Variants in NELL1 observed in about 807,000 individuals in gnomAD.
NELL1 encodes the protein protein kinase C-binding protein NELL1.
In NELL1, 76 loss-of-function variants were observed where a neutral mutation model predicts 107.4. That is an observed-to-expected ratio of 0.71 (90% CI 0.59 to 0.86). The LOEUF (loss-of-function observed/expected upper bound fraction) is 0.86, where lower values mean the gene tolerates loss of function less well. Among genes scored for constraint, NELL1 ranks in the 40% least tolerant of loss-of-function variants. The probability of loss-of-function intolerance (pLI) is 0.00; values close to 1 mark genes in which losing one functional copy is unlikely to be tolerated. For missense variants in NELL1, 1,024 were observed against 1,005.5 expected (o/e 1.02, Z -0.25); for synonymous variants, 353 against 341.2 (o/e 1.03, Z -0.38).
At chr11:20,684,544 T>C (rs909464124) in intron 2 of NELL1, among the ~76,000 whole-genome samples, 1 of 152,126 alleles carries the variant, frequency 6.6e-6, no homozygotes, top group Admixed American at 6.6e-5. Flanking sequence ...TAATCGAAAA[T>C]TCTAATAATT....
In NELL1 at chr11:21,309,296, A is replaced by G. The variant is rs12799981; in HGVS notation, c.1550-61557A>G. Among the ~76,000 whole-genome samples, 130 of 72,106 alleles carry G rather than the reference A, an allele frequency of 1.8e-3. 1 individual carries two copies. Among genetic ancestry groups the G allele is most frequent in the South Asian group, 4.4e-3 (9 of 2,056 alleles). The allele number at this position is 72,106 out of a possible 152,430, so 47.3% of individuals were successfully genotyped here. A position where few individuals can be genotyped will look rare whatever the true frequency, so the allele number is the denominator to read the frequency against. On this transcript the variant is annotated intron_variant, in intron 14 of 19. Coordinates refer to ENST00000357134, the MANE Select transcript of NELL1 (RefSeq NM_006157.5). ...TATATATATGTATATATATATATAT[A>G]TATGTATATATATATAATATATATA...
intron 14 of NELL1, among the ~76,000 whole-genome samples, chr11:21,289,597 C>T (rs891808102): frequency 3.3e-5 from 5 of 152,174 alleles, no homozygotes; most frequent in Non-Finnish European, 7.3e-5. Context: ...TTTGGGCAGA[C>T]AGGGAGCTAA....
intron 15 of NELL1, among the ~76,000 whole-genome samples, chr11:21,520,340 A>G (rs144343513): frequency 9.2e-5 from 14 of 152,294 alleles, no homozygotes; most frequent in Non-Finnish European, 1.8e-4. Context: ...ACCAGACATG[A>G]ACCCAGTAAC....
intron 15 of NELL1, among the ~76,000 whole-genome samples, chr11:21,473,601 C>A (rs1438390544): frequency 3.3e-5 from 5 of 151,996 alleles, no homozygotes; most frequent in Non-Finnish European, 7.4e-5. Flanking sequence ...TCCCTCAGAA[C>A]AGAGATAACT....
At chr11:21,172,318 T>C (rs1856624412) in intron 13 of NELL1, among the ~76,000 whole-genome samples, 1 of 151,766 alleles carries the variant, frequency 6.6e-6, no homozygotes, top group South Asian at 2.1e-4. Context: ...TAGCACAGAG[T>C]GGTTTTCTCT....
intron 14 of NELL1, among the ~76,000 whole-genome samples, chr11:21,367,693 T>TC (rs1565190448): frequency 6.6e-6 from 1 of 151,894 alleles, no homozygotes; most frequent in Admixed American, 6.6e-5. Context: ...CTTAATTTAA[T>TC]CCCCCCAGCA....
At chr11:20,717,501 A>T (rs1855280459) in intron 2 of NELL1, among the ~76,000 whole-genome samples, 1 of 152,130 alleles carries the variant, frequency 6.6e-6, no homozygotes, top group Non-Finnish European at 1.5e-5. Context: ...CCTTATAAAT[A>T]GAGGTTCTAT....
At chr11:21,409,369 G>A (rs544576414) in intron 15 of NELL1, among the ~76,000 whole-genome samples, 2 of 152,016 alleles carry the variant, frequency 1.3e-5, no homozygotes, top group Non-Finnish European at 2.9e-5. Context: ...CTCATAGGTG[G>A]GAATTGAACA....
intron 14 of NELL1, among the ~76,000 whole-genome samples, chr11:21,304,684 A>C (rs1449269272): frequency 2.0e-5 from 3 of 151,178 alleles, no homozygotes; most frequent in African/African-American, 7.3e-5. Context: ...CTGCACTCCT[A>C]TTTTGTCTTG....
Position 21,365,354 on chromosome 11 carries a change from C to A in NELL1, c.1550-5499C>A, listed in dbSNP as rs374159454. Reference sequence around the variant, plus strand: ...GACTCTGGGCTTGAAACCCAGGATGCCACTGTGCAGTGGTGCAAACTTCGA... The same window carrying A: ...GACTCTGGGCTTGAAACCCAGGATGACACTGTGCAGTGGTGCAAACTTCGA... On this transcript the variant is annotated intron_variant, in intron 14 of 19. Transcript: ENST00000357134. Among the ~76,000 whole-genome samples the A allele has an allele frequency of 1.5e-3, 231 of 152,240 alleles. 8 individuals carry two copies. The South Asian group carries it at 0.045, about 30-fold the overall frequency.
At chr11:20,721,795 AAGG>A (rs1855394874) in intron 2 of NELL1, among the ~76,000 whole-genome samples, 1 of 152,104 alleles carries the variant, frequency 6.6e-6, no homozygotes, top group Non-Finnish European at 1.5e-5. Context: ...GGGTAAAGAG[AAGG>A]ACTTTGGCTT....
intron 2 of NELL1, among the ~76,000 whole-genome samples, chr11:20,760,650 C>T (rs1856399433): frequency 6.6e-6 from 1 of 152,054 alleles, no homozygotes; most frequent in African/African-American, 2.4e-5. Flanking sequence ...GATGTCAGCT[C>T]CTAGATCTAT....
chr11:21,000,962 A>C (rs1181341687), intron 12 of NELL1: 1 of 152,100 alleles, frequency 6.6e-6, no homozygotes, highest in Non-Finnish European at 1.5e-5. Context: ...CCAAGATCAG[A>C]TGATACTCCC....
intron 12 of NELL1, among the ~76,000 whole-genome samples, chr11:21,085,191 C>T (rs1854361564): frequency 6.6e-6 from 1 of 151,990 alleles, no homozygotes; most frequent in Non-Finnish European, 1.5e-5. Flanking sequence ...TTGGGGGGCA[C>T]AATGAGCCAC....
Position 21,297,652 on chromosome 11 carries a change from C to T in NELL1, c.1549+68198C>T, listed in dbSNP as rs1224479364. 2.0e-5 allele frequency among the ~76,000 whole-genome samples: 3 copies of T among 151,998 alleles called. No individual in the cohort carries two copies. The East Asian group carries it at 5.8e-4, about 29-fold the overall frequency. On this transcript the variant is annotated intron_variant, in intron 14 of 19. Transcript: ENST00000357134. Reference sequence around the variant, plus strand: ...CTTCCATTGAATACTTGCTTTGAGCCATAAACTGTGCAAGCACTGAGACTG... The same window carrying T: ...CTTCCATTGAATACTTGCTTTGAGCTATAAACTGTGCAAGCACTGAGACTG...
chr11:21,267,163 T>C (rs74355831), intron 14 of NELL1, among the ~76,000 whole-genome samples: 2,452 of 152,230 alleles, frequency 0.016, 82 homozygotes, highest in African/African-American at 0.056. Flanking sequence ...TACATCCTCA[T>C]GGTATAGAAA....
At chr11:21,417,061 C>T (rs1564884153) in intron 15 of NELL1, among the ~76,000 whole-genome samples, 1 of 152,106 alleles carries the variant, frequency 6.6e-6, no homozygotes, top group East Asian at 1.9e-4. Flanking sequence ...AGCATGGCTA[C>T]AACTTCATGC....
intron 15 of NELL1, among the ~76,000 whole-genome samples, chr11:21,419,164 C>G (rs766254562): frequency 6.6e-6 from 1 of 152,054 alleles, no homozygotes; most frequent in Admixed American, 6.6e-5. Flanking sequence ...TTGACCAAGT[C>G]TCTTATACTT....
chr11:20,866,423 T>A (rs1849097198), intron 4 of NELL1, among the ~76,000 whole-genome samples: 1 of 152,182 alleles, frequency 6.6e-6, no homozygotes, highest in Non-Finnish European at 1.5e-5. Flanking sequence ...GACATTAGAC[T>A]CTGGTAAGAT....
Sources: gnomAD v4.1 joint callset for allele counts (sites outside exome capture counted in the v4.1 genomes callset) on GRCh38, gnomAD v4.1.1 for gene constraint, MANE v1.5 for transcripts, NCBI Gene and HGNC (gene_info 2026-07-23, HGNC 2026-07-21) for gene names.